SGCD: variants seen among roughly 807,000 people sequenced by gnomAD.
The protein encoded by SGCD is delta-sarcoglycan.
SGCD carries 18 observed loss-of-function variants against 36.6 expected under a neutral mutation model. The ratio of observed to expected loss-of-function variants is 0.49; its 90% CI spans 0.34 to 0.73. The LOEUF is 0.73. Ranked by LOEUF, SGCD falls within the 30% of genes least tolerant of loss-of-function variation. The probability of loss-of-function intolerance (pLI) is 0.01; values close to 1 mark genes in which losing one functional copy is unlikely to be tolerated. For synonymous variants in SGCD, 133 were observed against 130.6 expected (o/e 1.02, Z -0.12); for missense variants, 387 against 346.7 (o/e 1.12, Z -0.92).
At chr5:155,845,110 A>G in the SGCD span, among the ~76,000 whole-genome samples, 1 of 152,080 alleles carries the variant, frequency 6.6e-6, no homozygotes, top group African/African-American at 2.4e-5. Flanking sequence ...CCTACTTATG[A>G]GTGAGAACAT....
intron 3 of SGCD, among the ~76,000 whole-genome samples, chr5:156,162,668 T>A (rs920934307): frequency 6.6e-6 from 1 of 151,610 alleles, no homozygotes; most frequent in Non-Finnish European, 1.5e-5. Context: ...GAACCTCCTG[T>A]TCTCTCAACT....
chr5:156,082,220 T>C (rs1219897567), intron 1 of SGCD, among the ~76,000 whole-genome samples: 1 of 127,408 alleles, frequency 7.8e-6, no homozygotes, highest in East Asian at 2.4e-4. Flanking sequence ...TCCTGTGCTT[T>C]GGTAAGGAGG....
chr5:156,667,332 ATGAC>A (rs1182913058), intron 7 of SGCD, among the ~76,000 whole-genome samples: 2 of 152,188 alleles, frequency 1.3e-5, no homozygotes, highest in Non-Finnish European at 2.9e-5. Context: ...GTGGGGCAGT[ATGAC>A]TGATACCATT....
At chr5:156,594,547 T>G (rs562965640) in intron 5 of SGCD, among the ~76,000 whole-genome samples, 2 of 152,172 alleles carry the variant, frequency 1.3e-5, no homozygotes, top group Non-Finnish European at 2.9e-5. Flanking sequence ...GCCAAAGATA[T>G]GTGATTGTCT....
At chr5:155,817,464 G>A in the SGCD span, among the ~76,000 whole-genome samples, 1 of 151,682 alleles carries the variant, frequency 6.6e-6, no homozygotes, top group Non-Finnish European at 1.5e-5. Flanking sequence ...AATTTTATAA[G>A]CTTGAAATGC....
At chr5:156,444,590 C>G (rs1475114226) in intron 3 of SGCD, among the ~76,000 whole-genome samples, 3 of 151,984 alleles carry the variant, frequency 2.0e-5, no homozygotes, top group Non-Finnish European at 4.4e-5. Flanking sequence ...TCTGTGCCTC[C>G]CCGACTTCCA....
At chr5:155,859,812 T>C in the SGCD span, among the ~76,000 whole-genome samples, 3 of 152,218 alleles carry the variant, frequency 2.0e-5, no homozygotes, top group African/African-American at 4.8e-5. Context: ...GAGGCTGCCA[T>C]GGCTGTGGCC....
At chr5:156,205,445 G>T (rs1046639461) in intron 3 of SGCD, among the ~76,000 whole-genome samples, 1 of 152,094 alleles carries the variant, frequency 6.6e-6, no homozygotes, top group African/African-American at 2.4e-5. Flanking sequence ...AGCTTAGAAA[G>T]GTTGAATTAA....
Position 156,344,502 on chromosome 5 carries a change from A to C in SGCD, c.17A>C (p.Gln6Pro). 1.3e-6 allele frequency: 2 copies of C among 1,597,634 alleles called. No individual in the cohort carries two copies. Among genetic ancestry groups the C allele is most frequent in the South Asian group, 1.1e-5 (1 of 87,128 alleles). Residue 6 changes from glutamine (Q) to proline (P), a missense_variant, in exon 3 of 9, where the codon CAG (glutamine) becomes CCG (proline). Physicochemically the swap from Gln to Pro is moderately conservative, Grantham distance 76. Coordinates refer to ENST00000337851, the MANE Select transcript of SGCD (RefSeq NM_000337.6). MMPQE[Q>P]YTHHRSTMPG... Reference sequence around the variant, plus strand: ...CGTTTATTTCAGATGCCTCAGGAGCAGTACACTCACCACCGGAGCACCATG... The same window carrying C: ...CGTTTATTTCAGATGCCTCAGGAGCCGTACACTCACCACCGGAGCACCATG...
At chr5:155,939,937 G>T (rs1415480271) in intron 1 of SGCD, among the ~76,000 whole-genome samples, 4 of 151,358 alleles carry the variant, frequency 2.6e-5, no homozygotes, top group Non-Finnish European at 4.4e-5. Flanking sequence ...GGGTTCAAGA[G>T]ATTGTCCCAC....
intron 3 of SGCD, among the ~76,000 whole-genome samples, chr5:156,275,422 A>C (rs1766291143): frequency 6.6e-6 from 1 of 152,224 alleles, no homozygotes; most frequent in Non-Finnish European, 1.5e-5. Context: ...TTAAATATGT[A>C]TGTAGTAGAG....
At chr5:156,516,393 C>G (rs146599310) in intron 4 of SGCD, among the ~76,000 whole-genome samples, 3 of 152,162 alleles carry the variant, frequency 2.0e-5, no homozygotes, top group African/African-American at 4.8e-5. Context: ...AGGAAAAGAC[C>G]CAGGAGTGGC....
intron 3 of SGCD, among the ~76,000 whole-genome samples, chr5:156,390,398 G>A (rs1771501062): frequency 6.6e-6 from 1 of 152,128 alleles, no homozygotes; most frequent in Non-Finnish European, 1.5e-5. Context: ...GTAGCCCTAG[G>A]CTAATGTGTG....
intron 7 of SGCD, among the ~76,000 whole-genome samples, chr5:156,743,274 G>A (rs1351635766): frequency 1.3e-5 from 2 of 152,052 alleles, no homozygotes; most frequent in African/African-American, 4.8e-5. Context: ...ATCACACCTG[G>A]CTAGTTTTTG....
intron 4 of SGCD, among the ~76,000 whole-genome samples, chr5:156,565,392 GATT>G: frequency 6.6e-6 from 1 of 152,184 alleles, no homozygotes; most frequent in African/African-American, 2.4e-5. Context: ...GCCAGCCCTA[GATT>G]ATTCTCTTTC....
intron 3 of SGCD, among the ~76,000 whole-genome samples, chr5:156,375,770 A>G (rs1205039222): frequency 6.6e-6 from 1 of 152,098 alleles, no homozygotes; most frequent in Non-Finnish European, 1.5e-5. Flanking sequence ...TTATTTTTTA[A>G]CTCAAATTCT....
At chr5:156,616,214 A>G (rs1266138481) in intron 6 of SGCD, among the ~76,000 whole-genome samples, 2 of 152,200 alleles carry the variant, frequency 1.3e-5, no homozygotes, top group Non-Finnish European at 2.9e-5. Flanking sequence ...TATAAATACA[A>G]CGATGGCCTG....
At chr5:156,135,087 C>T (rs886599830) in intron 3 of SGCD, among the ~76,000 whole-genome samples, 25 of 152,206 alleles carry the variant, frequency 1.6e-4, no homozygotes, top group Admixed American at 1.2e-3. Flanking sequence ...CTCTGCATAG[C>T]GTATAGTAAG....
At chr5:156,581,852 G>A (rs888355900) in intron 4 of SGCD, among the ~76,000 whole-genome samples, 8 of 152,324 alleles carry the variant, frequency 5.3e-5, no homozygotes, top group Admixed American at 4.6e-4. Flanking sequence ...CTAGGAAAGA[G>A]AAATTCCCCA....
Sources: allele counts gnomAD v4.1 joint callset (sites outside exome capture counted in the v4.1 genomes callset), GRCh38; gene constraint gnomAD v4.1.1; transcripts MANE v1.5; gene names NCBI Gene and HGNC (gene_info 2026-07-23, HGNC 2026-07-21).